The following ZFHX3 variants were observed in gnomAD, a reference collection of about 807,000 sequenced individuals.
ZFHX3 encodes the protein zinc finger homeobox protein 3.
A neutral mutation model predicts 279.1 loss-of-function variants in ZFHX3; 42 were observed. That is an observed-to-expected ratio of 0.15 (90% CI 0.12 to 0.19). The LOEUF (loss-of-function observed/expected upper bound fraction) is 0.19. Among genes scored for constraint, ZFHX3 ranks in the 10% least tolerant of loss-of-function variants. The probability of loss-of-function intolerance (pLI) is 1.00; values close to 1 mark genes in which losing one functional copy is unlikely to be tolerated. For synonymous variants in ZFHX3, 2,293 were observed against 1,957.8 expected (o/e 1.17, Z -4.52); for missense variants, 4,981 against 4,754.0 (o/e 1.05, Z -1.40).
rs747634887 is a variant in ZFHX3, at chr16:72,959,264, G to A, written c.882C>T (p.Val294=). 6.2e-7 allele frequency: 1 copy of A among 1,614,212 alleles called. No homozygotes were observed. The highest frequency in any genetic ancestry group is 1.1e-5 in the South Asian group (1 of 91,088). ...CFLCKLSFGY[V]RSFVTHAVHD... ...GCACCGCGTGGGTCACAAACGAACG[G>A]ACGTACCCAAAGGAGAGTTTGCACA... The change falls in exon 2 of 10, where the codon GTC becomes GTT. Residue 294 remains valine, a synonymous_variant. Transcript: ENST00000268489.
At chr16:73,181,085 GTTTTGTTTTGT>G (rs138170356) in intron 5 of ZFHX3, among the ~76,000 whole-genome samples, 1,393 of 127,542 alleles carry the variant, frequency 0.011, 24 homozygotes, top group African/African-American at 0.036. Context: ...TTGTTTGTTT[GTTTTGTTTTGT>G]TTTGTTTTGT....
chr16:73,324,181 G>A (rs1393193193), intron 3 of ZFHX3, among the ~76,000 whole-genome samples: 2 of 152,216 alleles, frequency 1.3e-5, no homozygotes, highest in Non-Finnish European at 2.9e-5. Context: ...TTGCAACTGA[G>A]TCAGATAGGA....
intron 2 of ZFHX3, among the ~76,000 whole-genome samples, chr16:73,563,358 G>T (rs552291478): frequency 1.3e-5 from 2 of 151,494 alleles, no homozygotes; most frequent in South Asian, 4.2e-4. Context: ...CTGCCTCCAC[G>T]CCATTCTCCT....
At chr16:73,289,279 C>G (rs2014709555) in intron 4 of ZFHX3, among the ~76,000 whole-genome samples, 1 of 151,828 alleles carries the variant, frequency 6.6e-6, no homozygotes, top group Non-Finnish European at 1.5e-5. Flanking sequence ...ATTTAAAGCT[C>G]CTGTAACTCA....
intron 2 of ZFHX3, among the ~76,000 whole-genome samples, chr16:73,510,227 C>T (rs551649626): frequency 6.6e-6 from 1 of 152,308 alleles, no homozygotes; most frequent in South Asian, 2.1e-4. Flanking sequence ...ATAGCATTAT[C>T]ACAATCTGAC....
intron 1 of ZFHX3, among the ~76,000 whole-genome samples, chr16:73,845,322 C>T (rs1405362051): frequency 2.6e-5 from 4 of 152,252 alleles, no homozygotes; most frequent in African/African-American, 9.6e-5. Flanking sequence ...AACACAGGTT[C>T]TACAAACTGC....
At chr16:72,903,111 C>T (rs1429596393) in intron 3 of ZFHX3, among the ~76,000 whole-genome samples, 7 of 152,288 alleles carry the variant, frequency 4.6e-5, no homozygotes, top group African/African-American at 1.7e-4. Context: ...ACCATCTTCC[C>T]TTCCTCAGAG....
intron 2 of ZFHX3, among the ~76,000 whole-genome samples, chr16:73,532,110 C>A (rs1030779408): frequency 1.8e-4 from 27 of 151,178 alleles, no homozygotes; most frequent in Non-Finnish European, 3.1e-4. Flanking sequence ...AAAAAAAAAA[C>A]AAAGACAGAA....
upstream of ZFHX3, chr16:73,060,674 A>G (rs1965672602): frequency 6.6e-6 from 1 of 152,188 alleles, no homozygotes; most frequent in African/African-American, 2.4e-5. Context: ...ATAAAATAAA[A>G]TGCAATCAGC....
intron 3 of ZFHX3, among the ~76,000 whole-genome samples, chr16:73,326,965 A>T (rs1026809088): frequency 3.3e-5 from 5 of 152,198 alleles, no homozygotes; most frequent in Non-Finnish European, 7.3e-5. Context: ...TGTGGTTCTA[A>T]AGAATAGGAC....
At chr16:73,823,495 G>C (rs546193614) in intron 1 of ZFHX3, among the ~76,000 whole-genome samples, 1 of 152,312 alleles carries the variant, frequency 6.6e-6, no homozygotes, top group South Asian at 2.1e-4. Context: ...CCCAAGAAAG[G>C]CTGCAAGAAG....
chr16:73,296,566 A>G (rs2014914549), intron 4 of ZFHX3, among the ~76,000 whole-genome samples: 1 of 152,290 alleles, frequency 6.6e-6, no homozygotes, highest in East Asian at 1.9e-4. Context: ...CTAGACAACA[A>G]TTCCGTTAAT....
chr16:73,070,028 C>G (rs1225358488), intron 8 of ZFHX3, among the ~76,000 whole-genome samples: 1 of 152,098 alleles, frequency 6.6e-6, no homozygotes, highest in Non-Finnish European at 1.5e-5. Context: ...TCCAGAGGTC[C>G]CTTTCCCATT....
intron 3 of ZFHX3, among the ~76,000 whole-genome samples, chr16:73,368,453 C>A (rs1043317524): frequency 6.6e-6 from 1 of 152,052 alleles, no homozygotes; most frequent in Non-Finnish European, 1.5e-5. Flanking sequence ...TCTAGCTGAG[C>A]CTTGGATGAG....
chr16:73,291,258 C>T (rs2014761666), intron 4 of ZFHX3, among the ~76,000 whole-genome samples: 1 of 152,216 alleles, frequency 6.6e-6, no homozygotes, highest in Admixed American at 6.5e-5. Context: ...TCCCCATCTT[C>T]ATCCCCACTG....
At chr16:73,465,575 G>A (rs529406107) in intron 2 of ZFHX3, among the ~76,000 whole-genome samples, 127 of 152,246 alleles carry the variant, frequency 8.3e-4, no homozygotes, top group African/African-American at 2.8e-3. Flanking sequence ...AGCATTCAAG[G>A]CTCTGCAGGT....
chr16:73,819,837 ATC>A (rs1960683092), intron 1 of ZFHX3, among the ~76,000 whole-genome samples: 1 of 152,066 alleles, frequency 6.6e-6, no homozygotes, highest in Non-Finnish European at 1.5e-5. Context: ...GAATAGTAAG[ATC>A]TTCCCCATAT....
At chr16:73,489,004 T>C (rs2019016785) in intron 2 of ZFHX3, among the ~76,000 whole-genome samples, 2 of 152,218 alleles carry the variant, frequency 1.3e-5, no homozygotes, top group Non-Finnish European at 2.9e-5. Context: ...TAGCATGGTA[T>C]CAGATACATA....
At chr16:73,141,295 T>C (rs11645400) in intron 6 of ZFHX3, among the ~76,000 whole-genome samples, 22,411 of 152,174 alleles carry the variant, frequency 0.15, 1,955 homozygotes, top group African/African-American at 0.25. Flanking sequence ...TTAAAAAAGC[T>C]CACACGCTTT....
Sources: allele counts gnomAD v4.1 joint callset (sites outside exome capture counted in the v4.1 genomes callset), GRCh38; gene constraint gnomAD v4.1.1; transcripts MANE v1.5; gene names NCBI Gene and HGNC (gene_info 2026-07-23, HGNC 2026-07-21).